The following ELF5 variants were observed in gnomAD, a reference collection of about 807,000 sequenced individuals.
ELF5 encodes the protein ETS-related transcription factor Elf-5.
ELF5 carries 31 observed loss-of-function variants against 38.2 expected under a neutral mutation model. The ratio of observed to expected loss-of-function variants is 0.81; its 90% confidence interval spans 0.61 to 1.10. The LOEUF (loss-of-function observed/expected upper bound fraction) is 1.10. Among genes scored for constraint, ELF5 ranks in the 50% least tolerant of loss-of-function variants. The probability of loss-of-function intolerance (pLI) is 0.00; values close to 1 mark genes in which losing one functional copy is unlikely to be tolerated. For synonymous variants in ELF5, 121 were observed against 112.5 expected (o/e 1.08, Z -0.48); for missense variants, 300 against 306.6 (o/e 0.98, Z 0.16).
At chr11:34,482,559 G>T in intron 4 of ELF5, 60 bp from the exon 5 acceptor site, 1 of 1,379,914 alleles carries the variant, frequency 7.2e-7, no homozygotes, top group Non-Finnish European at 1.0e-6. Flanking sequence ...CAGACCTCAA[G>T]TCATACCCAA....
At position 34,505,693 on chromosome 11, in the gene ELF5, G is replaced by A. The variant is rs774004046; in HGVS notation, c.57C>T (p.Pro19=). 9.9e-6 allele frequency: 16 copies of A among 1,614,034 alleles called. No individual in the cohort carries two copies. Among genetic ancestry groups the A allele is most frequent in the Non-Finnish European group, 1.3e-5 (15 of 1,180,020 alleles). The change falls in exon 2 of 7, where the codon CCC becomes CCT. Residue 19 remains proline (P), a synonymous_variant. Coordinates refer to ENST00000257832, the MANE Select transcript of ELF5 (RefSeq NM_001422.4). ...TGAACAGATCAGTCCACGACATCAG[G>A]GGATCGCAGAAGGATGCATTAGGCA... The part of the protein sequence containing the change: ...TFLPNASFCD[P]LMSWTDLFSN...
chr11:34,493,483 T>C lies in ELF5; in HGVS notation c.351A>G (p.Thr117=). 4 of 1,613,404 alleles carry C rather than the reference T, an allele frequency of 2.5e-6. No individual in the cohort carries two copies. The highest frequency in any genetic ancestry group is 3.4e-6 in the Non-Finnish European group (4 of 1,179,692). Residue 117 remains threonine, a synonymous_variant, in exon 3 of 7, where the codon ACA becomes ACG. Transcript: ENST00000257832. Reference sequence around the variant, plus strand: ...TCTGGCCCTCTGAACACTGACCTTGTGTGCGGATGTTCTGGAGGATGAAGT... The same window carrying C: ...TCTGGCCCTCTGAACACTGACCTTGCGTGCGGATGTTCTGGAGGATGAAGT... ...YLYFILQNIR[T]QGYSFFNDAE...
rs772220243 is a variant in ELF5, at chr11:34,480,332, A to G, written c.672-18T>C. 1.2e-5 allele frequency: 19 copies of G among 1,599,154 alleles called. No homozygotes were observed. The highest frequency in any genetic ancestry group is 1.3e-5 in the Non-Finnish European group (15 of 1,166,848). ...AGTAGTATCTGAAAAAGCAAGCAGA[A>G]GAGAAATTCTGGGAGAGCTTGCACC... On this transcript the variant is annotated intron_variant, in intron 6 of 6. Coordinates refer to ENST00000257832, the MANE Select transcript of ELF5 (RefSeq NM_001422.4).
At chr11:34,484,888 C>T (rs1347867219) in intron 4 of ELF5, among the ~76,000 whole-genome samples, 1 of 152,114 alleles carries the variant, frequency 6.6e-6, no homozygotes, top group Non-Finnish European at 1.5e-5. Flanking sequence ...TTCTACCCAG[C>T]GGACCTCTCA....
At chr11:34,496,265 C>T (rs1247483497) in intron 2 of ELF5, among the ~76,000 whole-genome samples, 1 of 152,256 alleles carries the variant, frequency 6.6e-6, no homozygotes, top group Non-Finnish European at 1.5e-5. Flanking sequence ...GCTTTGTGTG[C>T]GGCCTCGGCC....
chr11:34,482,915 C>G (rs775429075), intron 4 of ELF5, among the ~76,000 whole-genome samples: 7 of 152,024 alleles, frequency 4.6e-5, no homozygotes, highest in Admixed American at 4.6e-4. Context: ...GAAAGCAAGA[C>G]GTTAACTCCG....
intron 5 of ELF5, among the ~76,000 whole-genome samples, chr11:34,481,366 A>G (rs2133868690): frequency 6.6e-6 from 1 of 152,196 alleles, no homozygotes; most frequent in African/African-American, 2.4e-5. Flanking sequence ...ATTTCTCACT[A>G]GGTCATGAGA....
intron 4 of ELF5, among the ~76,000 whole-genome samples, chr11:34,485,265 T>C (rs968749174): frequency 1.3e-5 from 2 of 152,236 alleles, no homozygotes; most frequent in African/African-American, 4.8e-5. Flanking sequence ...TACTTTATCA[T>C]GTCTTTCACA....
intron 3 of ELF5, chr11:34,493,275 A>G: frequency 3.3e-6 from 2 of 613,778 alleles, no homozygotes; most frequent in Non-Finnish European, 5.7e-6. Flanking sequence ...AATGCACTCA[A>G]TTTGCATTTT....
chr11:34,503,545 C>T (rs1850528425), intron 2 of ELF5, among the ~76,000 whole-genome samples: 3 of 151,940 alleles, frequency 2.0e-5, no homozygotes, highest in Admixed American at 2.0e-4. Flanking sequence ...GCCTTCCGGG[C>T]TCAAGGGATC....
intron 3 of ELF5, 77 bp downstream of exon 3, chr11:34,493,402 A>T: frequency 7.2e-7 from 1 of 1,397,384 alleles, no homozygotes; most frequent in South Asian, 1.2e-5. Flanking sequence ...AATTCACACG[A>T]TGGGAAAGGA....
intron 1 of ELF5, among the ~76,000 whole-genome samples, chr11:34,506,298 A>G (rs996239869): frequency 6.6e-6 from 1 of 152,086 alleles, no homozygotes; most frequent in African/African-American, 2.4e-5. Flanking sequence ...GTACTCCTGG[A>G]CATAAAGGTG....
chr11:34,487,834 T>C (rs537617659), intron 4 of ELF5, among the ~76,000 whole-genome samples: 85 of 152,128 alleles, frequency 5.6e-4, no homozygotes, highest in African/African-American at 1.9e-3. Flanking sequence ...AACTGAGGAG[T>C]TGAATTTTAA....
intron 2 of ELF5, among the ~76,000 whole-genome samples, chr11:34,504,770 G>A (rs922299454): frequency 4.6e-5 from 7 of 152,196 alleles, no homozygotes; most frequent in East Asian, 1.9e-4. Flanking sequence ...AGGGTTTCTG[G>A]GGGCAAAGCT....
intron 4 of ELF5, among the ~76,000 whole-genome samples, chr11:34,489,340 C>T (rs1384044285): frequency 6.6e-6 from 1 of 152,184 alleles, no homozygotes; most frequent in African/African-American, 2.4e-5. Flanking sequence ...CGCTCTGCTC[C>T]CTCTCTGCAG....
chr11:34,490,190 C>G (rs1020508969), intron 3 of ELF5, 131 bp from the exon 4 acceptor site: 3 of 938,414 alleles, frequency 3.2e-6, no homozygotes, highest in Non-Finnish European at 5.1e-6. Flanking sequence ...TTAGAGGGAA[C>G]CTTGGAGACC....
In ELF5 at chr11:34,493,238, G is replaced by T. The variant is rs746680213; in HGVS notation, c.355+241C>A. ...GGTGCCTGGGCAGTCCCTGAACGTG[G>T]TGTCCGTTTTTCTTTCTCTTTTTTT... On this transcript the variant is annotated intron_variant, in intron 3 of 6. Transcript: ENST00000257832. 201 of 599,756 alleles carry T rather than the reference G, an allele frequency of 3.4e-4. 1 individual carries two copies. Among genetic ancestry groups the T allele is most frequent in the South Asian group, 7.7e-4 (38 of 49,190 alleles). 37.2% of individuals were successfully genotyped at this position (599,756 alleles called of 1,614,324 possible).
chr11:34,489,145 T>C (rs1425428064), intron 4 of ELF5, among the ~76,000 whole-genome samples: 1 of 152,260 alleles, frequency 6.6e-6, no homozygotes, highest in Admixed American at 6.5e-5. Context: ...ATTCCTGTGC[T>C]AAAGCACCAA....
At chr11:34,483,753 A>T (rs1468897695) in intron 4 of ELF5, among the ~76,000 whole-genome samples, 1 of 151,938 alleles carries the variant, frequency 6.6e-6, no homozygotes, top group Non-Finnish European at 1.5e-5. Context: ...CACCAACTAC[A>T]TTATACTGCA....
Sources: allele counts gnomAD v4.1 joint callset (sites outside exome capture counted in the v4.1 genomes callset), GRCh38; gene constraint gnomAD v4.1.1; transcripts MANE v1.5; gene names NCBI Gene and HGNC (gene_info 2026-07-23, HGNC 2026-07-21).